Variants in DIP2A observed in about 807,000 individuals in gnomAD.
The protein encoded by DIP2A is disco-interacting protein 2 homolog A.
A neutral mutation model predicts 177.4 loss-of-function variants in DIP2A; 85 were observed. The ratio of observed to expected loss-of-function variants is 0.48; its 90% confidence interval spans 0.40 to 0.57. DIP2A has a LOEUF of 0.57. Ranked by LOEUF, DIP2A falls within the 20% of genes least tolerant of loss-of-function variation. The pLI, the probability that DIP2A is intolerant of heterozygous loss-of-function variation, is 0.00. For synonymous variants in DIP2A, 886 were observed against 881.8 expected, an observed-to-expected ratio of 1.00 and a Z score of -0.08; for missense variants, 1,791 against 2,100.2, an observed-to-expected ratio of 0.85 and a Z score of 2.88.
At chr21:46,464,087 G>A (rs948235616) in intron 1 of DIP2A, among the ~76,000 whole-genome samples, 1 of 151,698 alleles carries the variant, frequency 6.6e-6, no homozygotes, top group Non-Finnish European at 1.5e-5. Flanking sequence ...TGAATATTTT[G>A]TGGTATATAA....
At position 46,509,350 on chromosome 21, in the gene DIP2A, TG is replaced by T; in HGVS notation, c.880del (p.Asp294MetfsTer27). 1 of 1,612,454 alleles carries T rather than the reference TG, an allele frequency of 6.2e-7. No individual in the cohort carries two copies. Among genetic ancestry groups the T allele is most frequent in the Non-Finnish European group, 8.5e-7 (1 of 1,179,358 alleles). ...PKRPPLKEFFVDDFEELLEVQ... is the reference protein window; with the variant it reads ...PKRPPLKEFFXDDFEELLEVQ... ...CGCCCTCCACTGAAGGAGTTCTTTG[TG>T]GATGATTTTGAGGAATTGTTGGAAG... On this transcript the variant is annotated frameshift_variant, in exon 7 of 38. Coordinates refer to ENST00000417564, the MANE Select transcript of DIP2A (RefSeq NM_015151.4). LOFTEE classifies it high-confidence loss of function.
intron 10 of DIP2A, 123 bp from the exon 11 acceptor site, chr21:46,533,401 T>C: frequency 2.5e-6 from 3 of 1,194,158 alleles, no homozygotes; most frequent in Non-Finnish European, 3.4e-6. Context: ...ACTGAATTAT[T>C]CTGGAAGTTT....
chr21:46,536,276 C>A (rs1377787309), intron 13 of DIP2A, among the ~76,000 whole-genome samples: 2 of 152,228 alleles, frequency 1.3e-5, no homozygotes, highest in Admixed American at 1.3e-4. Context: ...TCCTTTCTGC[C>A]TGTGCAAGGT....
At chr21:46,573,745 TAAA>T (rs2060980163), downstream of DIP2A, among the ~76,000 whole-genome samples, 1 of 122,624 alleles carries the variant, frequency 8.2e-6, no homozygotes, top group South Asian at 2.8e-4. Flanking sequence ...ATAGTTTAAA[TAAA>T]AAATGATTAC....
chr21:46,561,676 C>T, intron 33 of DIP2A, 72 bp from the exon 34 acceptor site: 1 of 1,559,178 alleles, frequency 6.4e-7, no homozygotes, highest in Non-Finnish European at 8.8e-7. Context: ...TTTCCAACGT[C>T]ATGATCTGCC....
the DIP2A span, among the ~76,000 whole-genome samples, chr21:46,575,574 G>C: frequency 6.6e-6 from 1 of 152,070 alleles, no homozygotes; most frequent in African/African-American, 2.4e-5. Context: ...CAGGATACAA[G>C]GTCAACACAC....
chr21:46,460,133 C>T (rs537264341), intron 1 of DIP2A, among the ~76,000 whole-genome samples: 1 of 152,196 alleles, frequency 6.6e-6, no homozygotes, highest in South Asian at 2.1e-4. Flanking sequence ...GCTAAAATAC[C>T]TTAATATATG....
intron 1 of DIP2A, among the ~76,000 whole-genome samples, chr21:46,463,725 T>A (rs1168413062): frequency 1.3e-5 from 2 of 151,328 alleles, no homozygotes; most frequent in Non-Finnish European, 2.9e-5. Flanking sequence ...TGTGTATATT[T>A]TGAGACGGAG....
chr21:46,576,225 A>G, the DIP2A span, among the ~76,000 whole-genome samples: 16 of 152,154 alleles, frequency 1.1e-4, no homozygotes, highest in Non-Finnish European at 1.9e-4. Context: ...CTATCAACCA[A>G]TCACCTAAGT....
chr21:46,522,699 C>G (rs1405893020), intron 8 of DIP2A, among the ~76,000 whole-genome samples: 7 of 152,148 alleles, frequency 4.6e-5, no homozygotes, highest in Admixed American at 3.9e-4. Context: ...CATGTGAAAT[C>G]AAAACCGTCA....
chr21:46,534,879 G>A (rs1051987014), intron 13 of DIP2A, among the ~76,000 whole-genome samples, 192 bp downstream of exon 13: 1 of 152,186 alleles, frequency 6.6e-6, no homozygotes, highest in African/African-American at 2.4e-5. Flanking sequence ...GGTTGTGCTG[G>A]CCAAGAGGGC....
Position 46,532,129 on chromosome 21 carries a change from G to C in DIP2A, c.1197G>C (p.Val399=). ...NEPLLKPGDR[V]ALVFPNSDPV... ...TTCATTTCTTTGTCCTGTTGTAGGT[G>C]GCGCTCGTGTTTCCGAATAGTGACC... is the stretch of plus-strand genomic sequence containing the variant. Residue 399 remains valine (V), a splice_region_variant and synonymous_variant, in exon 10 of 38, where the codon GTG becomes GTC. Transcript: ENST00000417564. 6.2e-7 allele frequency: 1 copy of C among 1,613,154 alleles called. No individual in the cohort carries two copies. Among genetic ancestry groups the C allele is most frequent in the Non-Finnish European group, 8.5e-7 (1 of 1,179,438 alleles).
rs1028331085 is a variant in DIP2A, at chr21:46,566,432, C to T, written c.4340-128C>T. The stretch of plus-strand genomic sequence containing the variant: ...CATCACCCTTTCTGCACGTGGTGTG[C>T]GACCTCATGATGTTTCAGTTGAGAC... On this transcript the variant is annotated intron_variant, in intron 36 of 37. Coordinates refer to ENST00000417564, the MANE Select transcript of DIP2A (RefSeq NM_015151.4). The T allele has an allele frequency of 2.8e-5, 36 of 1,273,374 alleles. No homozygotes were observed. The African/African-American group carries it at 3.5e-4, about 13-fold the overall frequency. 78.9% of individuals were successfully genotyped at this position (1,273,374 alleles called of 1,614,324 possible).
chr21:46,550,144 A>G (rs79494713), intron 22 of DIP2A: 63,939 of 923,494 alleles, frequency 0.069, 2,603 homozygotes, highest in Non-Finnish European at 0.081. Flanking sequence ...TGATGAGAAC[A>G]TTTGAAATGC....
intron 1 of DIP2A, among the ~76,000 whole-genome samples, chr21:46,479,494 G>C (rs759789681): frequency 3.3e-5 from 5 of 152,110 alleles, no homozygotes; most frequent in Non-Finnish European, 5.9e-5. Context: ...ACACTGCTGT[G>C]GAAGCATATC....
At chr21:46,504,514 G>C (rs568172789) in intron 6 of DIP2A, 25 bp downstream of exon 6, 6 of 1,583,424 alleles carry the variant, frequency 3.8e-6, no homozygotes, top group African/African-American at 1.3e-5. Flanking sequence ...CTTTCTCCTC[G>C]TGAAATAGCA....
At chr21:46,508,749 G>A (rs1423048383) in intron 6 of DIP2A, among the ~76,000 whole-genome samples, 5 of 151,982 alleles carry the variant, frequency 3.3e-5, no homozygotes, top group African/African-American at 7.2e-5. Context: ...TAGGCCGGGC[G>A]CGGTGGCACA....
chr21:46,555,928 G>A (rs2060452365), intron 28 of DIP2A, 54 bp from the exon 29 acceptor site: 4 of 1,354,094 alleles, frequency 3.0e-6, no homozygotes, highest in African/African-American at 1.4e-5. Context: ...AAAGCCCAGA[G>A]CGTTCAGAAT....
downstream of DIP2A, among the ~76,000 whole-genome samples, chr21:46,574,900 G>A (rs901049907): frequency 6.6e-6 from 1 of 152,086 alleles, no homozygotes; most frequent in African/African-American, 2.4e-5. Context: ...TTTTCAGAAA[G>A]TTGAGGGAAA....
Sources: allele counts gnomAD v4.1 joint callset (sites outside exome capture counted in the v4.1 genomes callset), GRCh38; gene constraint gnomAD v4.1.1; transcripts MANE v1.5; gene names NCBI Gene and HGNC (gene_info 2026-07-23, HGNC 2026-07-21).